Variants in SGCZ observed in about 807,000 individuals in gnomAD.
SGCZ encodes sarcoglycan zeta.
SGCZ carries 40 observed loss-of-function variants against 41.3 expected under a neutral mutation model. The observed-to-expected ratio is 0.97, with a 90% confidence interval of 0.75 to 1.26. The LOEUF (loss-of-function observed/expected upper bound fraction) is 1.26. Among genes scored for constraint, SGCZ ranks in the 50% most tolerant of loss-of-function variants. The pLI is 0.00. For synonymous variants in SGCZ, 206 were observed against 137.5 expected (o/e 1.50, Z -3.49); for missense variants, 552 against 369.8 (o/e 1.49, Z -4.04).
chr8:14,778,685 T>C (rs1563263176), intron 1 of SGCZ, among the ~76,000 whole-genome samples: 1 of 152,174 alleles, frequency 6.6e-6, no homozygotes, highest in Non-Finnish European at 1.5e-5. Flanking sequence ...AATATTTCAA[T>C]GACGAGGAAA....
intron 1 of SGCZ, among the ~76,000 whole-genome samples, chr8:14,651,576 C>T (rs13278643): frequency 0.42 from 63,873 of 151,824 alleles, 14,847 homozygotes; most frequent in Non-Finnish European, 0.53. Flanking sequence ...TTCTTCACTA[C>T]GCACACTCAC....
chr8:14,103,050 T>C (rs2116985720), intron 6 of SGCZ, among the ~76,000 whole-genome samples: 1 of 152,246 alleles, frequency 6.6e-6, no homozygotes, highest in South Asian at 2.1e-4. Context: ...ATTAAAATAA[T>C]GAAATAAGAC....
rs117841061 is a variant in SGCZ at position 14,254,769 on chromosome 8, A to G, written c.337-17090T>C. On this transcript the variant is annotated intron_variant, in intron 3 of 7. Transcript: ENST00000382080. ...TCGTCTTTTTTTTTCTGGAGGAGGA[A>G]TTTGTGATGTGTGAGATTCATTATT... Among the ~76,000 whole-genome samples the G allele has an allele frequency of 2.0e-3, 306 of 152,172 alleles. 1 individual carries two copies. Among genetic ancestry groups the G allele is most frequent in the Non-Finnish European group, 3.6e-3 (248 of 68,000 alleles).
At chr8:14,486,679 T>C (rs1441547235) in intron 2 of SGCZ, among the ~76,000 whole-genome samples, 2 of 152,140 alleles carry the variant, frequency 1.3e-5, no homozygotes, top group Admixed American at 6.5e-5. Context: ...GATCAAGCAA[T>C]GCTGCGCCTC....
intron 1 of SGCZ, among the ~76,000 whole-genome samples, chr8:15,197,909 T>C (rs955967914): frequency 2.0e-5 from 3 of 151,178 alleles, no homozygotes; most frequent in African/African-American, 7.3e-5. Flanking sequence ...CATTCGTGTA[T>C]ATATATAGAT....
intron 2 of SGCZ, among the ~76,000 whole-genome samples, chr8:14,540,643 T>C (rs1459869835): frequency 6.6e-6 from 1 of 151,962 alleles, no homozygotes; most frequent in Non-Finnish European, 1.5e-5. Flanking sequence ...TTAACTACTT[T>C]GATTAATTTC....
intron 3 of SGCZ, among the ~76,000 whole-genome samples, chr8:14,263,928 G>A (rs1799768896): frequency 6.6e-6 from 1 of 152,212 alleles, no homozygotes; most frequent in Non-Finnish European, 1.5e-5. Flanking sequence ...GCCTACCAGG[G>A]TGAAACCCAG....
chr8:14,253,734 G>C lies in SGCZ; in HGVS notation c.337-16055C>G, dbSNP rs143800458. 4.6e-5 allele frequency among the ~76,000 whole-genome samples: 7 copies of C among 152,154 alleles called. No individual in the cohort carries two copies. The East Asian group carries it at 1.4e-3, about 29-fold the overall frequency. On this transcript the variant is annotated intron_variant, in intron 3 of 7. Transcript: ENST00000382080. The stretch of plus-strand genomic sequence containing the variant: ...ATATGTAACATAAATATAATAAATA[G>C]CTTATTCTTGCTTTACAGAACGAGC...
At chr8:15,100,857 C>T (rs976219516) in intron 1 of SGCZ, among the ~76,000 whole-genome samples, 19 of 151,944 alleles carry the variant, frequency 1.3e-4, no homozygotes, top group Admixed American at 5.9e-4. Flanking sequence ...GGCATGGTGG[C>T]GCACACCTAT....
chr8:14,818,906 T>C (rs550844704), intron 1 of SGCZ, among the ~76,000 whole-genome samples: 3 of 152,172 alleles, frequency 2.0e-5, no homozygotes, highest in South Asian at 2.1e-4. Context: ...ATGGGACTTA[T>C]AGAATACCAC....
chr8:14,395,622 G>A (rs765737167), intron 2 of SGCZ, among the ~76,000 whole-genome samples: 1 of 152,164 alleles, frequency 6.6e-6, no homozygotes, highest in Non-Finnish European at 1.5e-5. Context: ...GATACAGCCA[G>A]TCAGAAGTGA....
intron 1 of SGCZ, among the ~76,000 whole-genome samples, chr8:14,699,871 C>G (rs1809079912): frequency 6.6e-6 from 1 of 151,980 alleles, no homozygotes; most frequent in African/African-American, 2.4e-5. Flanking sequence ...CACCACTAAT[C>G]ATTAGAGAAA....
intron 1 of SGCZ, among the ~76,000 whole-genome samples, chr8:14,710,439 G>T (rs1585200271): frequency 6.6e-6 from 1 of 151,092 alleles, no homozygotes; most frequent in East Asian, 1.9e-4. Context: ...ACAATTCAAT[G>T]GAGCAATTAA....
At chr8:14,309,225 T>C (rs551367059) in intron 3 of SGCZ, 3 of 1,509,980 alleles carry the variant, frequency 2.0e-6, no homozygotes, top group Non-Finnish European at 2.8e-6. Flanking sequence ...TTTGATACTG[T>C]TGAAGACTTC....
intron 1 of SGCZ, among the ~76,000 whole-genome samples, chr8:14,659,013 C>T (rs555760734): frequency 1.8e-4 from 27 of 151,748 alleles, no homozygotes; most frequent in African/African-American, 5.8e-4. Context: ...TGTTAAGTAC[C>T]CAATGTGAAA....
chr8:14,418,266 G>A (rs764445154), intron 2 of SGCZ, among the ~76,000 whole-genome samples: 1 of 151,894 alleles, frequency 6.6e-6, no homozygotes. Flanking sequence ...TCTTCCTGAG[G>A]GCTGGAGAAC....
chr8:14,850,349 G>A (rs1803270709), intron 1 of SGCZ, among the ~76,000 whole-genome samples: 1 of 152,148 alleles, frequency 6.6e-6, no homozygotes, highest in Non-Finnish European at 1.5e-5. Flanking sequence ...AGGAGAGAAG[G>A]AGGTAAAGAA....
intron 2 of SGCZ, among the ~76,000 whole-genome samples, chr8:14,545,716 A>C (rs902434256): frequency 1.3e-5 from 2 of 152,212 alleles, no homozygotes; most frequent in African/African-American, 2.4e-5. Context: ...CACTAAACTA[A>C]AGTTCCCCAC....
rs983881552 is a variant in SGCZ at position 15,223,801 on chromosome 8, A to G, written c.39+13784T>C. 2.0e-5 allele frequency among the ~76,000 whole-genome samples: 3 copies of G among 152,190 alleles called. No individual in the cohort carries two copies. The East Asian group carries it at 5.8e-4, about 29-fold the overall frequency. On this transcript the variant is annotated intron_variant, in intron 1 of 7. Coordinates refer to ENST00000382080, the MANE Select transcript of SGCZ (RefSeq NM_139167.4). ...TATTTAAAAAACGAGAACTAGAAAA[A>G]GTATAGCAAAATCATTATGGGTTGC... is the stretch of plus-strand genomic sequence containing the variant.
Sources: allele counts gnomAD v4.1 joint callset (sites outside exome capture counted in the v4.1 genomes callset), GRCh38; gene constraint gnomAD v4.1.1; transcripts MANE v1.5; gene names NCBI Gene and HGNC (gene_info 2026-07-23, HGNC 2026-07-21).